The following COG5 variants were observed in gnomAD, a reference collection of about 807,000 sequenced individuals.
COG5 encodes conserved oligomeric Golgi complex subunit 5.
In COG5, 86 loss-of-function variants were observed where a neutral mutation model predicts 110.4. The ratio of observed to expected loss-of-function variants is 0.78; its 90% CI spans 0.65 to 0.93. The LOEUF (loss-of-function observed/expected upper bound fraction) is 0.93, where lower values mean the gene tolerates loss of function less well. COG5 is among the 40% of genes least tolerant of loss of function. The pLI, the probability that COG5 is intolerant of heterozygous loss-of-function variation, is 0.00. For synonymous variants in COG5, 360 were observed against 334.6 expected, an observed-to-expected ratio of 1.08 and a Z score of -0.83; for missense variants, 1,077 against 987.0, an observed-to-expected ratio of 1.09 and a Z score of -1.22.
In COG5 at chr7:107,283,735, G is replaced by A. The variant is rs1432561660; in HGVS notation, c.1314-3C>T. The A allele has an allele frequency of 5.6e-6, 9 of 1,612,972 alleles. No individual in the cohort carries two copies. Among genetic ancestry groups the A allele is most frequent in the East Asian group, 2.2e-5 (1 of 44,852 alleles). ...AGTCTTTCAAAGCCTTTTCTGGACT[G>A]TGGAAACAAAATTTTTTAAAAACTA... On this transcript the variant is annotated splice_region_variant and splice_polypyrimidine_tract_variant and intron_variant, in intron 12 of 21. Transcript: ENST00000297135.
intron 8 of COG5, among the ~76,000 whole-genome samples, chr7:107,367,220 A>G (rs941299461): frequency 6.6e-6 from 1 of 152,120 alleles, no homozygotes; most frequent in Non-Finnish European, 1.5e-5. Flanking sequence ...TAAGCATAAA[A>G]GCAAAACACA....
At chr7:107,461,473 A>G (rs755603669) in intron 6 of COG5, among the ~76,000 whole-genome samples, 2 of 152,200 alleles carry the variant, frequency 1.3e-5, no homozygotes, top group African/African-American at 4.8e-5. Flanking sequence ...CATCAAACCT[A>G]ATAATGAAAG....
At chr7:107,346,222 C>A (rs1433327750) in intron 10 of COG5, among the ~76,000 whole-genome samples, 2 of 152,132 alleles carry the variant, frequency 1.3e-5, no homozygotes, top group African/African-American at 4.8e-5. Flanking sequence ...GGAAACATTT[C>A]TTTAGGCCTT....
chr7:107,295,232 G>A (rs1379170941), intron 12 of COG5, among the ~76,000 whole-genome samples: 2 of 147,488 alleles, frequency 1.4e-5, no homozygotes, highest in Non-Finnish European at 3.0e-5. Context: ...CCACCACACC[G>A]TACCCAGTCT....
At chr7:107,494,780 CA>C (rs1798169989) in intron 6 of COG5, among the ~76,000 whole-genome samples, 1 of 152,128 alleles carries the variant, frequency 6.6e-6, no homozygotes, top group Admixed American at 6.5e-5. Flanking sequence ...GTAAGAATTC[CA>C]AGTCTGGTCA....
chr7:107,484,842 T>C (rs1246583816), intron 6 of COG5, among the ~76,000 whole-genome samples: 1 of 150,698 alleles, frequency 6.6e-6, no homozygotes, highest in Non-Finnish European at 1.5e-5. Context: ...CAGGGATAGA[T>C]TCTTGAATGT....
intron 19 of COG5, among the ~76,000 whole-genome samples, chr7:107,226,719 C>A (rs1800367137): frequency 6.6e-6 from 1 of 152,150 alleles, no homozygotes; most frequent in Non-Finnish European, 1.5e-5. Context: ...GGATTTGAAC[C>A]CCTTAATATA....
intron 21 of COG5, chr7:107,207,820 G>T: frequency 1.0e-6 from 1 of 985,376 alleles, no homozygotes; most frequent in Non-Finnish European, 1.2e-6. Flanking sequence ...GAAAGCATCT[G>T]GTGTCAGAAG....
intron 11 of COG5, among the ~76,000 whole-genome samples, chr7:107,314,656 G>A (rs1009289944): frequency 6.6e-6 from 1 of 151,692 alleles, no homozygotes; most frequent in African/African-American, 2.4e-5. Context: ...GGCTGAGGCA[G>A]GAGAATTGCT....
chr7:107,554,958 T>TA (rs1476645619), intron 2 of COG5, among the ~76,000 whole-genome samples: 1 of 152,184 alleles, frequency 6.6e-6, no homozygotes, highest in East Asian at 1.9e-4. Context: ...CCAAAAAATG[T>TA]AAAAAACAGC....
intron 6 of COG5, among the ~76,000 whole-genome samples, chr7:107,523,145 A>T (rs1243797135): frequency 6.6e-6 from 1 of 152,186 alleles, no homozygotes; most frequent in East Asian, 1.9e-4. Context: ...CAACTGATGA[A>T]CAACATTGAC....
chr7:107,223,040 G>A lies in COG5; in HGVS notation c.2168+7575C>T, dbSNP rs557196437. Among the ~76,000 whole-genome samples the A allele has an allele frequency of 2.0e-5, 3 of 152,294 alleles. No individual in the cohort carries two copies. In the South Asian group the frequency reaches 6.2e-4, roughly 32 times the overall value. ...GCTCCTGTGTCCACATCTAACATCA[G>A]TGGTATCCTGAGACAGATATAGGCA... On this transcript the variant is annotated intron_variant, in intron 19 of 21. Coordinates refer to ENST00000297135, the MANE Select transcript of COG5 (RefSeq NM_006348.5).
intron 12 of COG5, among the ~76,000 whole-genome samples, chr7:107,295,619 T>C (rs546295077): frequency 6.6e-6 from 1 of 152,286 alleles, no homozygotes; most frequent in South Asian, 2.1e-4. Flanking sequence ...CTTGTTTGTG[T>C]CCTTGAACCC....
chr7:107,242,785 G>A (rs1289429445), intron 17 of COG5, among the ~76,000 whole-genome samples: 7 of 152,272 alleles, frequency 4.6e-5, no homozygotes. Context: ...TAGGCCCACA[G>A]CTTAGACCCT....
At chr7:107,414,108 A>G (rs1392647477) in intron 6 of COG5, among the ~76,000 whole-genome samples, 1 of 152,238 alleles carries the variant, frequency 6.6e-6, no homozygotes, top group Non-Finnish European at 1.5e-5. Flanking sequence ...CATAACAGAT[A>G]TAACTGTTCA....
At chr7:107,275,642 G>T (rs747169068) in intron 14 of COG5, among the ~76,000 whole-genome samples, 1 of 151,778 alleles carries the variant, frequency 6.6e-6, no homozygotes, top group Non-Finnish European at 1.5e-5. Context: ...TGCAACCTCC[G>T]CCTCCTGGGT....
At chr7:107,504,912 G>C (rs1410890583) in intron 6 of COG5, among the ~76,000 whole-genome samples, 1 of 151,896 alleles carries the variant, frequency 6.6e-6, no homozygotes, top group Admixed American at 6.6e-5. Flanking sequence ...CTAGCTTAAT[G>C]GTCTATCCAT....
At chr7:107,265,046 A>G (rs1030508691) in intron 14 of COG5, among the ~76,000 whole-genome samples, 1 of 152,206 alleles carries the variant, frequency 6.6e-6, no homozygotes, top group Non-Finnish European at 1.5e-5. Context: ...GGAATTCCAT[A>G]AAGTATCTAA....
chr7:107,412,300 T>C (rs771641069), intron 7 of COG5, among the ~76,000 whole-genome samples: 65 of 152,074 alleles, frequency 4.3e-4, no homozygotes, highest in Non-Finnish European at 7.5e-4. Flanking sequence ...TTAGAAACAT[T>C]AGGTCTATTT....
Sources: gnomAD v4.1 joint callset for allele counts (sites outside exome capture counted in the v4.1 genomes callset) on GRCh38, gnomAD v4.1.1 for gene constraint, MANE v1.5 for transcripts, NCBI Gene and HGNC (gene_info 2026-07-23, HGNC 2026-07-21) for gene names.